Variants in SMYD3 observed in about 807,000 individuals in gnomAD.
The protein encoded by SMYD3 is SET and MYND domain containing 3.
Under a neutral mutation model 57.7 loss-of-function variants are expected in SMYD3, and 36 were observed. The observed-to-expected ratio is 0.62, with a 90% CI of 0.48 to 0.82. SMYD3 has a LOEUF of 0.82. Among genes scored for constraint, SMYD3 ranks in the 40% least tolerant of loss-of-function variants. The probability of loss-of-function intolerance (pLI) is 0.00; values close to 1 mark genes in which losing one functional copy is unlikely to be tolerated. For synonymous variants in SMYD3, 211 were observed against 195.0 expected (o/e 1.08, Z -0.68); for missense variants, 515 against 538.8 (o/e 0.96, Z 0.44).
At chr1:246,444,031 T>C (rs898494948) in intron 1 of SMYD3, among the ~76,000 whole-genome samples, 9 of 151,858 alleles carry the variant, frequency 5.9e-5, no homozygotes, top group African/African-American at 1.9e-4. Context: ...AGGTATGGAG[T>C]CCTGCCATGG....
intron 5 of SMYD3, among the ~76,000 whole-genome samples, chr1:245,985,109 C>T (rs1172708166): frequency 6.6e-6 from 1 of 152,120 alleles, no homozygotes; most frequent in African/African-American, 2.4e-5. Context: ...TATCCTGGAT[C>T]TCCTACCACC....
chr1:246,362,893 G>T (rs11809770), intron 1 of SMYD3, among the ~76,000 whole-genome samples: 249 of 152,114 alleles, frequency 1.6e-3, no homozygotes, highest in African/African-American at 5.5e-3. Flanking sequence ...CCCCGTCTGG[G>T]AAGTGAGGAG....
At chr1:245,885,377 T>G (rs1479948302) in intron 8 of SMYD3, among the ~76,000 whole-genome samples, 1 of 152,180 alleles carries the variant, frequency 6.6e-6, no homozygotes, top group Non-Finnish European at 1.5e-5. Context: ...TAGCCTTTTC[T>G]TATTGGCACA....
chr1:246,328,086 C>T (rs1189509006), intron 4 of SMYD3, among the ~76,000 whole-genome samples: 1 of 151,970 alleles, frequency 6.6e-6, no homozygotes, highest in Admixed American at 6.6e-5. Context: ...CCCAGCTACT[C>T]GGGAGGCTGA....
intron 10 of SMYD3, among the ~76,000 whole-genome samples, chr1:245,798,466 A>G (rs78008071): frequency 4.4e-5 from 1 of 22,652 alleles, no homozygotes; most frequent in Non-Finnish European, 8.6e-5. Context: ...ACACACATAC[A>G]CACACATACA....
intron 8 of SMYD3, among the ~76,000 whole-genome samples, chr1:245,891,070 G>A (rs2053356695): frequency 6.6e-6 from 1 of 152,200 alleles, no homozygotes; most frequent in East Asian, 1.9e-4. Context: ...CCAGAGCCTG[G>A]GAAGGTAGTG....
chr1:245,955,789 G>A lies in SMYD3; in HGVS notation c.532-25852C>T, dbSNP rs147670919. ...TCCCCCATGGATAAGGAGGCACTAA[G>A]CAACATATTGTATGTTTAGCTTTGC... On this transcript the variant is annotated intron_variant, in intron 5 of 11. Coordinates refer to ENST00000490107, the MANE Select transcript of SMYD3 (RefSeq NM_001167740.2). The A allele has an allele frequency of 1.8e-3, 514 of 286,698 alleles. 2 individuals are homozygous for A. Among genetic ancestry groups the A allele is most frequent in the African/African-American group, 0.011 (490 of 43,908 alleles). The allele number at this position is 286,698 out of a possible 1,614,324, so 17.8% of individuals were successfully genotyped here.
chr1:246,153,868 C>A (rs572505323), intron 5 of SMYD3, among the ~76,000 whole-genome samples: 2 of 152,266 alleles, frequency 1.3e-5, no homozygotes, highest in East Asian at 3.9e-4. Flanking sequence ...AGAAAAAAAA[C>A]CCTTTATACT....
chr1:246,157,652 TC>T (rs397729230), intron 5 of SMYD3, among the ~76,000 whole-genome samples: 1 of 150,952 alleles, frequency 6.6e-6, no homozygotes, highest in Admixed American at 6.6e-5. Context: ...TTGTCTTTTT[TC>T]CCCCCCATAG....
intron 5 of SMYD3, among the ~76,000 whole-genome samples, chr1:246,065,417 T>C (rs894769155): frequency 1.3e-5 from 2 of 152,216 alleles, no homozygotes; most frequent in Non-Finnish European, 2.9e-5. Context: ...TTACTAGAGA[T>C]GCTCACTACT....
chr1:246,286,324 A>G (rs1028554387), intron 5 of SMYD3, among the ~76,000 whole-genome samples: 16 of 151,734 alleles, frequency 1.1e-4, no homozygotes, highest in African/African-American at 2.4e-4. Flanking sequence ...TTTGTTACAT[A>G]GGTAAACACA....
chr1:245,983,395 T>G (rs1305697478), intron 5 of SMYD3, among the ~76,000 whole-genome samples: 2 of 152,210 alleles, frequency 1.3e-5, no homozygotes, highest in Non-Finnish European at 2.9e-5. Context: ...ATTGAAATCA[T>G]GAAATGAAAC....
chr1:246,479,011 T>G (rs71638336), intron 1 of SMYD3, among the ~76,000 whole-genome samples: 1 of 135,282 alleles, frequency 7.4e-6, no homozygotes, highest in Admixed American at 7.5e-5. Context: ...CTCATATATG[T>G]ACACCTGTCC....
intron 2 of SMYD3, among the ~76,000 whole-genome samples, chr1:246,344,370 T>A (rs988576735): frequency 6.6e-6 from 1 of 152,238 alleles, no homozygotes; most frequent in Admixed American, 6.5e-5. Flanking sequence ...CTTCTTTTCA[T>A]CTGGCTTCAT....
intron 1 of SMYD3, among the ~76,000 whole-genome samples, chr1:246,494,972 G>C (rs1179698945): frequency 6.6e-6 from 1 of 152,190 alleles, no homozygotes; most frequent in Non-Finnish European, 1.5e-5. Context: ...AAGGCACAGA[G>C]AAGCAGGGAG....
chr1:246,253,492 A>G (rs976906834), intron 5 of SMYD3, among the ~76,000 whole-genome samples: 4 of 152,158 alleles, frequency 2.6e-5, no homozygotes, highest in African/African-American at 9.7e-5. Context: ...GTGTATATGT[A>G]CCACATTTTC....
intron 5 of SMYD3, among the ~76,000 whole-genome samples, chr1:246,315,059 G>A (rs989623134): frequency 7.2e-5 from 11 of 152,126 alleles, no homozygotes; most frequent in African/African-American, 2.7e-4. Flanking sequence ...TCCTGTCACT[G>A]GGTGACTACT....
At chr1:246,001,708 T>C (rs2059049424) in intron 5 of SMYD3, among the ~76,000 whole-genome samples, 1 of 152,226 alleles carries the variant, frequency 6.6e-6, no homozygotes, top group African/African-American at 2.4e-5. Context: ...CTACAAATGA[T>C]AGTCAAACAG....
Position 246,283,697 on chromosome 1 carries a change from G to C in SMYD3, c.531+43504C>G, listed in dbSNP as rs563309039. Among the ~76,000 whole-genome samples, 5 of 152,258 alleles carry C rather than the reference G, an allele frequency of 3.3e-5. No individual in the cohort carries two copies. The South Asian group carries it at 1.0e-3, about 32-fold the overall frequency. On this transcript the variant is annotated intron_variant, in intron 5 of 11. Transcript: ENST00000490107. The stretch of plus-strand genomic sequence containing the variant: ...CCAGAAGAAATATAATTGCCACAGC[G>C]ATAACATCTAAAGCCCAAGATCATT...
Sources: gnomAD v4.1 joint callset for allele counts (sites outside exome capture counted in the v4.1 genomes callset) on GRCh38, gnomAD v4.1.1 for gene constraint, MANE v1.5 for transcripts, NCBI Gene and HGNC (gene_info 2026-07-23, HGNC 2026-07-21) for gene names.